Variants in BTBD8 observed in about 807,000 individuals in gnomAD.
BTBD8 encodes the protein BTB/POZ domain-containing protein 8.
BTBD8 carries 110 observed loss-of-function variants against 162.9 expected under a neutral mutation model. The ratio of observed to expected loss-of-function variants is 0.68; its 90% CI spans 0.58 to 0.79. BTBD8 has a LOEUF of 0.79. Ranked by LOEUF, BTBD8 falls within the 30% of genes least tolerant of loss-of-function variation. The pLI, the probability that BTBD8 is intolerant of heterozygous loss-of-function variation, is 0.00. For missense variants in BTBD8, 1,905 were observed against 2,085.4 expected, an observed-to-expected ratio of 0.91 and a Z score of 1.68; for synonymous variants, 667 against 716.1, an observed-to-expected ratio of 0.93 and a Z score of 1.10.
intron 9 of BTBD8, among the ~76,000 whole-genome samples, chr1:92,164,495 T>G (rs940678191): frequency 2.6e-5 from 4 of 151,992 alleles, no homozygotes; most frequent in Non-Finnish European, 4.4e-5. Context: ...GGCGTGCACC[T>G]GTAATACCAG....
At chr1:92,086,031 A>G (rs535449870) in intron 1 of BTBD8, among the ~76,000 whole-genome samples, 1 of 152,360 alleles carries the variant, frequency 6.6e-6, no homozygotes, top group East Asian at 1.9e-4. Context: ...TATCAAGCGC[A>G]TGATCTACAG....
At chr1:92,085,211 T>G (rs1648126588) in intron 1 of BTBD8, among the ~76,000 whole-genome samples, 1 of 152,246 alleles carries the variant, frequency 6.6e-6, no homozygotes, top group African/African-American at 2.4e-5. Context: ...AATAAATGTT[T>G]AGTGCTGAGT....
intron 6 of BTBD8, among the ~76,000 whole-genome samples, chr1:92,140,219 C>A (rs994644369): frequency 1.3e-5 from 2 of 150,922 alleles, no homozygotes; most frequent in Non-Finnish European, 2.9e-5. Context: ...CCCAGTAGAT[C>A]GAGATCTGCC....
intron 1 of BTBD8, among the ~76,000 whole-genome samples, chr1:92,083,087 G>C (rs1648064504): frequency 1.3e-5 from 2 of 149,948 alleles, no homozygotes; most frequent in African/African-American, 2.5e-5. Flanking sequence ...AGTGAGCTGA[G>C]ATCAAGCCAC....
intron 2 of BTBD8, among the ~76,000 whole-genome samples, chr1:92,097,546 C>T (rs1477006824): frequency 6.6e-6 from 1 of 152,172 alleles, no homozygotes; most frequent in Non-Finnish European, 1.5e-5. Context: ...ACCCCTATTT[C>T]CTCCTTCAGC....
At chr1:92,098,458 C>T (rs1648509121) in intron 2 of BTBD8, among the ~76,000 whole-genome samples, 1 of 152,140 alleles carries the variant, frequency 6.6e-6, no homozygotes, top group Non-Finnish European at 1.5e-5. Flanking sequence ...AGTGGAATTA[C>T]TGGGTCATAT....
rs140431882 is a variant in BTBD8 at position 92,144,248 on chromosome 1, A to G, written c.931-2932A>G. Among the ~76,000 whole-genome samples, 302 of 152,170 alleles carry G rather than the reference A, an allele frequency of 2.0e-3. 1 individual carries two copies. Among genetic ancestry groups the G allele is most frequent in the South Asian group, 0.016 (79 of 4,820 alleles). On this transcript the variant is annotated intron_variant, in intron 7 of 17. Coordinates refer to ENST00000636805, the MANE Select transcript of BTBD8 (RefSeq NM_001376131.1). ...CTTGGCCTCCCAAAGTGCTGAGATT[A>G]CAGGAGTGAGCCACTGTGCCCAGCC...
intron 3 of BTBD8, among the ~76,000 whole-genome samples, chr1:92,104,034 T>C (rs556172445): frequency 6.6e-6 from 1 of 152,234 alleles, no homozygotes; most frequent in Non-Finnish European, 1.5e-5. Flanking sequence ...TGTGTGCAGG[T>C]GCATGGCTCA....
intron 4 of BTBD8, among the ~76,000 whole-genome samples, chr1:92,122,547 G>A (rs528689911): frequency 1.7e-4 from 26 of 148,956 alleles, no homozygotes; most frequent in Middle Eastern, 3.6e-3. Flanking sequence ...GTGAGCCACC[G>A]CGCCTGGTCT....
At position 92,080,393 on chromosome 1, in the gene BTBD8, C is replaced by T; in HGVS notation, c.-179C>T. 2.3e-6 allele frequency: 2 copies of T among 864,718 alleles called. No individual in the cohort carries two copies. Among genetic ancestry groups the T allele is most frequent in the Non-Finnish European group, 3.4e-6 (2 of 589,366 alleles). 53.6% of individuals were successfully genotyped at this position (864,718 alleles called of 1,614,324 possible). A position where few individuals can be genotyped will look rare whatever the true frequency, so the allele number is the denominator to read the frequency against. On this transcript the variant is annotated 5_prime_UTR_variant, in exon 1 of 18. Coordinates refer to ENST00000636805, the MANE Select transcript of BTBD8 (RefSeq NM_001376131.1). Reference sequence around the variant, plus strand: ...GGTTCTGGGATTCTGAGGCTCCCCACCGCGGTCCGGCTTCTCTGGGAGACT... The same window carrying T: ...GGTTCTGGGATTCTGAGGCTCCCCATCGCGGTCCGGCTTCTCTGGGAGACT...
At chr1:92,174,709 A>G (rs914129667) in intron 13 of BTBD8, among the ~76,000 whole-genome samples, 4 of 152,168 alleles carry the variant, frequency 2.6e-5, no homozygotes, top group Non-Finnish European at 5.9e-5. Flanking sequence ...TTAGAATCCT[A>G]GAAGACTGCT....
At chr1:92,133,301 A>G (rs147264036) in intron 5 of BTBD8, among the ~76,000 whole-genome samples, 73 of 152,314 alleles carry the variant, frequency 4.8e-4, no homozygotes, top group African/African-American at 1.6e-3. Context: ...GAGGTGGTTG[A>G]AAGTATTAAA....
At chr1:92,100,266 C>A (rs1012894042) in intron 2 of BTBD8, among the ~76,000 whole-genome samples, 9 of 152,064 alleles carry the variant, frequency 5.9e-5, no homozygotes, top group Non-Finnish European at 1.0e-4. Context: ...TTTATTTACA[C>A]TAATAAGGAA....
chr1:92,099,308 T>C (rs1648527592), intron 2 of BTBD8, among the ~76,000 whole-genome samples: 1 of 152,088 alleles, frequency 6.6e-6, no homozygotes, highest in South Asian at 2.1e-4. Flanking sequence ...GTAGGAAGCT[T>C]AGAAAATTGA....
chr1:92,109,257 T>C (rs904810516), intron 4 of BTBD8, among the ~76,000 whole-genome samples: 3 of 151,574 alleles, frequency 2.0e-5, no homozygotes, highest in African/African-American at 4.9e-5. Flanking sequence ...GTTTTCTTTT[T>C]TTTTTTTTTT....
chr1:92,127,552 T>G (rs547678924), intron 4 of BTBD8, among the ~76,000 whole-genome samples: 24 of 150,048 alleles, frequency 1.6e-4, no homozygotes, highest in African/African-American at 5.6e-4. Context: ...TTTTGGAAGT[T>G]TTTGTTTGTT....
At position 92,177,009 on chromosome 1, in the gene BTBD8, G is replaced by A; in HGVS notation, c.1816G>A (p.Asp606Asn). Residue 606 changes from aspartate (D) to asparagine (N), a missense_variant, in exon 14 of 18, where the codon GAT (aspartate) becomes AAT (asparagine). Asp to Asn is a conservative substitution (Grantham distance 23, BLOSUM62 1). This residue lies in a region of BTBD8 where 1,374 missense variants were observed against 1,442.7 expected (regional missense o/e 0.95). Transcript: ENST00000636805. ...TATAAATAAAACTCTGAAGCAAGAT[G>A]ATGTAAAGGAAAAAGATGGTACAAA... The part of the protein sequence containing the change: ...NSINKTLKQD[D>N]VKEKDGTKIA... 1 of 1,547,834 alleles carries A rather than the reference G, an allele frequency of 6.5e-7. No individual in the cohort carries two copies. The highest frequency in any genetic ancestry group is 8.7e-7 in the Non-Finnish European group (1 of 1,145,668).
At chr1:92,169,973 C>A (rs922401067) in intron 12 of BTBD8, among the ~76,000 whole-genome samples, 2 of 152,042 alleles carry the variant, frequency 1.3e-5, no homozygotes, top group Non-Finnish European at 2.9e-5. Context: ...TATTTCTGTG[C>A]TGATTTTTAA....
chr1:92,131,005 A>G (rs577289669), intron 5 of BTBD8, among the ~76,000 whole-genome samples: 2 of 152,336 alleles, frequency 1.3e-5, no homozygotes, highest in African/African-American at 4.8e-5. Flanking sequence ...CGCTTGGCCT[A>G]CGTTCAAGTT....
Sources: allele counts gnomAD v4.1 joint callset (sites outside exome capture counted in the v4.1 genomes callset), GRCh38; gene constraint gnomAD v4.1.1; regional missense constraint gnomAD v4.1.1; transcripts MANE v1.5; gene names NCBI Gene and HGNC (gene_info 2026-07-23, HGNC 2026-07-21).